NCBP1: variants seen among roughly 807,000 people sequenced by gnomAD.
NCBP1 encodes nuclear cap binding protein subunit 1.
Under a neutral mutation model 111.7 loss-of-function variants are expected in NCBP1, and 16 were observed. The ratio of observed to expected loss-of-function variants is 0.14; its 90% CI spans 0.10 to 0.22. The LOEUF (loss-of-function observed/expected upper bound fraction) is 0.22, where lower values mean the gene tolerates loss of function less well. NCBP1 is among the 10% of genes least tolerant of loss of function. The pLI is 1.00. For missense variants in NCBP1, 607 were observed against 957.5 expected (o/e 0.63, Z 4.83); for synonymous variants, 304 against 314.3 (o/e 0.97, Z 0.35).
intron 3 of NCBP1, among the ~76,000 whole-genome samples, chr9:97,642,671 T>C (rs538948577): frequency 3.9e-5 from 6 of 152,242 alleles, no homozygotes; most frequent in African/African-American, 1.4e-4. Context: ...ATAATTAAAC[T>C]GGTAGGAACT....
rs1180610932 is a variant in NCBP1 at position 97,666,839 on chromosome 9, G to A, written c.1978G>A (p.Glu660Lys). 1 of 1,610,278 alleles carries A rather than the reference G, an allele frequency of 6.2e-7. No individual in the cohort carries two copies. The highest frequency in any genetic ancestry group is 8.5e-7 in the Non-Finnish European group (1 of 1,178,702). Residue 660 changes from glutamate (E) to lysine (K), a missense_variant, in exon 20 of 23, where the codon GAA (glutamate) becomes AAA (lysine). This residue lies in a region of NCBP1 where 282 missense variants were observed against 376.5 expected (regional missense o/e 0.75). Coordinates refer to ENST00000375147, the MANE Select transcript of NCBP1 (RefSeq NM_002486.5). ...TGTCCTGAAGATCCAGAAAGAGCTG[G>A]AAGAAGCTAAAGAGAAACTTGCTAG... Reference protein sequence around the residue: ...KHVLKIQKELEEAKEKLARQH... With the variant: ...KHVLKIQKELKEAKEKLARQH...
At chr9:97,657,749 CCATTT>C (rs1305310212) in intron 14 of NCBP1, among the ~76,000 whole-genome samples, 2 of 151,750 alleles carry the variant, frequency 1.3e-5, no homozygotes, top group Admixed American at 6.6e-5. Flanking sequence ...CCTTTCTCCC[CCATTT>C]ATTTATTCCT....
intron 17 of NCBP1, 105 bp downstream of exon 17, chr9:97,662,249 T>G: frequency 1.2e-6 from 1 of 811,270 alleles, no homozygotes; most frequent in Non-Finnish European, 2.0e-6. Flanking sequence ...AAGATCTTAA[T>G]AGTGTATAAT....
intron 10 of NCBP1, among the ~76,000 whole-genome samples, chr9:97,651,767 G>A (rs1644205341): frequency 6.6e-6 from 1 of 151,996 alleles, no homozygotes; most frequent in Non-Finnish European, 1.5e-5. Context: ...GTGTTTATCT[G>A]GCCTCTCAGT....
At chr9:97,640,656 A>G (rs1827182091) in intron 1 of NCBP1, 138 bp from the exon 2 acceptor site, 1 of 617,730 alleles carries the variant, frequency 1.6e-6, no homozygotes, top group Non-Finnish European at 2.8e-6. Context: ...AGTCTGAGAA[A>G]TGGAGGGTCT....
At chr9:97,655,644 G>C in intron 12 of NCBP1, 58 bp from the exon 13 acceptor site, 3 of 1,430,140 alleles carry the variant, frequency 2.1e-6, no homozygotes, top group Non-Finnish European at 2.9e-6. Context: ...ATAAGTTTCT[G>C]TTCTAAATCC....
intron 3 of NCBP1, 150 bp downstream of exon 3, chr9:97,641,812 G>A (rs1043318437): frequency 5.1e-5 from 43 of 848,122 alleles, no homozygotes; most frequent in African/African-American, 1.8e-4. Flanking sequence ...AACCTTTGGC[G>A]CTTTGGCGAA....
chr9:97,659,530 T>C (rs186244890), intron 15 of NCBP1, among the ~76,000 whole-genome samples: 196 of 152,316 alleles, frequency 1.3e-3, no homozygotes, highest in Admixed American at 1.9e-3. Context: ...AGAATAGATA[T>C]GATTATCAAA....
At position 97,670,684 on chromosome 9, in the gene NCBP1, G is replaced by A. The variant is rs567375389; in HGVS notation, c.2260-402G>A. Among the ~76,000 whole-genome samples, 4 of 152,252 alleles carry A rather than the reference G, an allele frequency of 2.6e-5. No homozygotes were observed. In the South Asian group the frequency reaches 8.3e-4, roughly 32 times the overall value. ...AGGAACACATAGACAAGAGTATTTCGTTTTCTGACTGTTTATCTTCCTGTC... is the reference window on the plus strand; with the variant it reads ...AGGAACACATAGACAAGAGTATTTCATTTTCTGACTGTTTATCTTCCTGTC... On this transcript the variant is annotated intron_variant, in intron 22 of 22. Coordinates refer to ENST00000375147, the MANE Select transcript of NCBP1 (RefSeq NM_002486.5).
rs149319167 is a variant in NCBP1, at chr9:97,638,989, C to T, written c.35-1805C>T. Among the ~76,000 whole-genome samples, 201 of 152,168 alleles carry T rather than the reference C, an allele frequency of 1.3e-3. 1 individual carries two copies. The highest frequency in any genetic ancestry group is 4.6e-3 in the African/African-American group (190 of 41,488). On this transcript the variant is annotated intron_variant, in intron 1 of 22. Coordinates refer to ENST00000375147, the MANE Select transcript of NCBP1 (RefSeq NM_002486.5). ...TAAGTGAATCCTGGAAATGAAAGAC[C>T]TTTGTGTGAAATTTGGCACTTTGGG...
intron 10 of NCBP1, among the ~76,000 whole-genome samples, chr9:97,652,079 C>T (rs1054476968): frequency 6.6e-6 from 1 of 152,212 alleles, no homozygotes; most frequent in African/African-American, 2.4e-5. Context: ...TCTTGGCTCA[C>T]TGCAGCCTCC....
chr9:97,643,888 TTTCAC>T (rs1375924478), intron 4 of NCBP1, among the ~76,000 whole-genome samples: 2 of 152,144 alleles, frequency 1.3e-5, no homozygotes, highest in Non-Finnish European at 2.9e-5. Context: ...ATTCTCTGCT[TTTCAC>T]TTTGTGTTCT....
At chr9:97,638,246 C>T (rs964696570) in intron 1 of NCBP1, among the ~76,000 whole-genome samples, 15 of 152,254 alleles carry the variant, frequency 9.9e-5, no homozygotes, top group South Asian at 2.1e-4. Context: ...ACATTTCTTA[C>T]CTCTTAATAC....
chr9:97,655,059 T>C (rs571144354), intron 12 of NCBP1, 115 bp downstream of exon 12: 5 of 835,998 alleles, frequency 6.0e-6, no homozygotes, highest in South Asian at 4.3e-5. Flanking sequence ...TTTTCTTGCC[T>C]CCCAAAATAA....
rs145777543 is a variant in NCBP1, at chr9:97,667,342, G to A, written c.2016+465G>A. ...TTTAGCCATTTTGGAGGGAAGCAGT[G>A]AGTGACTTAACATGATACTACTATT... On this transcript the variant is annotated intron_variant, in intron 20 of 22. Transcript: ENST00000375147. Among the ~76,000 whole-genome samples, 295 of 152,274 alleles carry A rather than the reference G, an allele frequency of 1.9e-3. 2 individuals carry two copies. Among genetic ancestry groups the A allele is most frequent in the Middle Eastern group, 6.8e-3 (2 of 294 alleles).
At chr9:97,640,421 A>G (rs952096132) in intron 1 of NCBP1, among the ~76,000 whole-genome samples, 3 of 152,172 alleles carry the variant, frequency 2.0e-5, no homozygotes, top group Admixed American at 6.6e-5. Context: ...GAGGATCAGT[A>G]AACAACTCAA....
chr9:97,658,462 G>A (rs1246517879), intron 14 of NCBP1, among the ~76,000 whole-genome samples, 178 bp from the exon 15 acceptor site: 16 of 152,206 alleles, frequency 1.1e-4, no homozygotes, highest in African/African-American at 3.9e-4. Context: ...TTTGCAGTAT[G>A]CCTGAGATTT....
chr9:97,662,783 T>G (rs1827876137), intron 17 of NCBP1, among the ~76,000 whole-genome samples, 171 bp from the exon 18 acceptor site: 1 of 152,252 alleles, frequency 6.6e-6, no homozygotes, highest in Non-Finnish European at 1.5e-5. Flanking sequence ...ACAGCTTCCT[T>G]AAAAACTATC....
At chr9:97,654,676 C>T (rs924281535) in intron 11 of NCBP1, among the ~76,000 whole-genome samples, 1 of 152,046 alleles carries the variant, frequency 6.6e-6, no homozygotes, top group Admixed American at 6.6e-5. Context: ...ATCTTGATTT[C>T]ACGAGTGTAT....
Sources: gnomAD v4.1 joint callset for allele counts (sites outside exome capture counted in the v4.1 genomes callset) on GRCh38, gnomAD v4.1.1 for gene constraint, gnomAD v4.1.1 regional missense constraint, MANE v1.5 for transcripts, NCBI Gene and HGNC (gene_info 2026-07-23, HGNC 2026-07-21) for gene names.